Variants in GGT7 observed in about 807,000 individuals in gnomAD.
The protein encoded by GGT7 is gamma-glutamyltransferase 7.
Under a neutral mutation model 69.2 loss-of-function variants are expected in GGT7, and 30 were observed. The observed-to-expected ratio is 0.43, with a 90% confidence interval of 0.32 to 0.59. The LOEUF (loss-of-function observed/expected upper bound fraction) is 0.59. GGT7 is among the 20% of genes least tolerant of loss of function. The probability of loss-of-function intolerance (pLI) is 0.05; values close to 1 mark genes in which losing one functional copy is unlikely to be tolerated. For synonymous variants in GGT7, 388 were observed against 391.8 expected (o/e 0.99, Z 0.12); for missense variants, 733 against 901.1 (o/e 0.81, Z 2.39).
In GGT7 at chr20:34,863,058, G is replaced by A; in HGVS notation, c.406-93C>T. ...GCCCTAGAACTCTACGCGGCATGAA[G>A]GTCGAAGCCCTGCCCCCTTGTTGCC... is the stretch of plus-strand genomic sequence containing the variant. On this transcript the variant is annotated intron_variant, in intron 2 of 14. Coordinates refer to ENST00000336431, the MANE Select transcript of GGT7 (RefSeq NM_178026.3). This position sits in a 1 kb window ranked among gnomAD's most constrained non-coding sequence, Gnocchi z 4.4. 7.8e-7 allele frequency: 1 copy of A among 1,286,358 alleles called. No individual in the cohort carries two copies. The highest frequency in any genetic ancestry group is 1.1e-6 in the Non-Finnish European group (1 of 928,208). The allele number at this position is 1,286,358 out of a possible 1,614,324, so 79.7% of individuals were successfully genotyped here.
In GGT7 at chr20:34,872,691, C is replaced by G. The variant is rs1368904833; in HGVS notation, c.125G>C (p.Arg42Thr). The G allele has an allele frequency of 6.7e-7, 1 of 1,482,612 alleles. No individual in the cohort carries two copies. Among genetic ancestry groups the G allele is most frequent in the East Asian group, 2.8e-5 (1 of 35,894 alleles). 91.8% of individuals were successfully genotyped at this position (1,482,612 alleles called of 1,614,324 possible). The change falls in exon 1 of 15, where the codon AGG becomes ACG. Residue 42 changes from arginine to threonine, a missense_variant. By Grantham distance (71) the Arg-to-Thr change is moderately conservative. Transcript: ENST00000336431. Reference sequence around the variant, plus strand: ...AAAGGCGTCCTCGTCCTTGCGGCCCCTCAGCGGGGCCGCGGGCGCCGGCTC... The same window carrying G: ...AAAGGCGTCCTCGTCCTTGCGGCCCGTCAGCGGGGCCGCGGGCGCCGGCTC... ...EDEPAPAAPL[R>T]GRKDEDAFLG...
At chr20:34,854,079 G>A (rs546331030) in intron 10 of GGT7, among the ~76,000 whole-genome samples, 1 of 152,278 alleles carries the variant, frequency 6.6e-6, no homozygotes, top group East Asian at 1.9e-4. Context: ...TGGGACTACA[G>A]GCACGCGCCA....
At position 34,863,505 on chromosome 20, in the gene GGT7, T is replaced by A; in HGVS notation, c.213A>T (p.Pro71=). The change falls in exon 2 of 15, where the codon CCA becomes CCT. Residue 71 remains proline (P), a synonymous_variant. Transcript: ENST00000336431. The surrounding 1 kb of genome is among the most constrained non-coding windows in gnomAD (Gnocchi z 4.4). ...GGCTGCCCATCTCCGACGACGACGA[T>A]GGCAGCCGCTGCAGCCGTGCAGACT... The part of the protein sequence containing the change: ...FLKSARLQRL[P]SSSSEMGSQD... 2 of 1,598,498 alleles carry A rather than the reference T, an allele frequency of 1.3e-6. No homozygotes were observed. Among genetic ancestry groups the A allele is most frequent in the Non-Finnish European group, 1.7e-6 (2 of 1,172,940 alleles).
Position 34,862,909 on chromosome 20 carries a change from G to C in GGT7, c.462C>G (p.Ile154Met). The C allele has an allele frequency of 6.2e-7, 1 of 1,614,008 alleles. No homozygotes were observed. The highest frequency in any genetic ancestry group is 2.2e-5 in the East Asian group (1 of 44,876). ...TDAARCTSLG[I>M]EVLSKQGSSV... Reference sequence around the variant, plus strand: ...AAGATCCCTGTTTACTGAGCACCTCGATGCCCAGTGAAGTGCAGCGGGCAG... The same window carrying C: ...AAGATCCCTGTTTACTGAGCACCTCCATGCCCAGTGAAGTGCAGCGGGCAG... Residue 154 changes from isoleucine to methionine, a missense_variant, in exon 3 of 15, where the codon ATC becomes ATG. Transcript: ENST00000336431.
chr20:34,863,740 G>A lies in GGT7; in HGVS notation c.170-192C>T, dbSNP rs560162912. The A allele has an allele frequency of 9.8e-6, 7 of 715,528 alleles. No individual in the cohort carries two copies. The highest frequency in any genetic ancestry group is 7.5e-5 in the South Asian group (5 of 66,758). The allele number at this position is 715,528 out of a possible 1,614,324, so 44.3% of individuals were successfully genotyped here. The stretch of plus-strand genomic sequence containing the variant: ...GGGCAACGGTGCCCGGCTAGGAAGA[G>A]ACAGGGACCTCCCCAGCTGGGCAGC... On this transcript the variant is annotated intron_variant, in intron 1 of 14. Transcript: ENST00000336431. The surrounding 1 kb of genome is among the most constrained non-coding windows in gnomAD (Gnocchi z 4.4).
intron 7 of GGT7, among the ~76,000 whole-genome samples, chr20:34,859,219 T>C (rs2079542346): frequency 6.6e-6 from 1 of 151,610 alleles, no homozygotes. Context: ...AGGTTTTTCA[T>C]GTCATATCCC....
rs1290328211 is a variant in GGT7, at chr20:34,845,162, CTGA to C, written c.*163_*165del. The C allele has an allele frequency of 8.0e-6, 4 of 498,748 alleles. No homozygotes were observed. The highest frequency in any genetic ancestry group is 1.4e-5 in the Non-Finnish European group (4 of 283,028). The allele number at this position is 498,748 out of a possible 1,614,324, so 30.9% of individuals were successfully genotyped here. ...CACCACCACCACCACCACAGGCCTC[CTGA>C]TGGAGAATTTTCCAGTTACTCTGGG... On this transcript the variant is annotated 3_prime_UTR_variant, in exon 15 of 15. Transcript: ENST00000336431.
chr20:34,861,811 C>A (rs1286933713), intron 3 of GGT7, among the ~76,000 whole-genome samples: 1 of 152,056 alleles, frequency 6.6e-6, no homozygotes, highest in African/African-American at 2.4e-5. Flanking sequence ...GACTTTAATC[C>A]CTGATTAGGA....
intron 14 of GGT7, among the ~76,000 whole-genome samples, chr20:34,847,525 A>G (rs2146879479): frequency 6.6e-6 from 1 of 152,328 alleles, no homozygotes; most frequent in South Asian, 2.1e-4. Context: ...AATAGCATTA[A>G]ATCACTTAAT....
chr20:34,868,109 G>A (rs1046597834), intron 1 of GGT7, among the ~76,000 whole-genome samples: 11 of 93,362 alleles, frequency 1.2e-4, no homozygotes, highest in Admixed American at 3.5e-4. Context: ...CAAGCAATCC[G>A]CCCGCCTTGG....
rs1285623035 is a variant in GGT7 at position 34,872,805 on chromosome 20, T to G, written c.11A>C (p.Glu4Ala). 5.2e-6 allele frequency: 7 copies of G among 1,348,920 alleles called. No individual in the cohort carries two copies. Among genetic ancestry groups the G allele is most frequent in the Admixed American group, 3.9e-5 (1 of 25,956 alleles). 83.6% of individuals were successfully genotyped at this position (1,348,920 alleles called of 1,614,324 possible). The change falls in exon 1 of 15, where the codon GAG (glutamate) becomes GCG (alanine). Residue 4 changes from glutamate to alanine, a missense_variant. Glu to Ala is a moderately radical substitution (Grantham distance 107). Coordinates refer to ENST00000336431, the MANE Select transcript of GGT7 (RefSeq NM_178026.3). ...GGCGCTCTCCTGGCTGGCCTCGTTC[T>G]CCGCCGCCATCCTCGCCCGCGCCCC... MAA[E>A]NEASQESALG...
At position 34,852,475 on chromosome 20, in the gene GGT7, G is replaced by C; in HGVS notation, c.1383C>G (p.Leu461=). Residue 461 remains leucine, a synonymous_variant, in exon 11 of 15, where the codon CTC becomes CTG. Transcript: ENST00000336431. Reference sequence around the variant, plus strand: ...CTCCGTCTAGTTCATAGACAGGCAGGAGTGGGGCAGGGGCTGCCTGGGAGT... The same window carrying C: ...CTCCGTCTAGTTCATAGACAGGCAGCAGTGGGGCAGGGGCTGCCTGGGAGT... ...INDSQAAPAP[L]LPVYELDGAP... The C allele has an allele frequency of 6.2e-7, 1 of 1,611,698 alleles. No individual in the cohort carries two copies. The highest frequency in any genetic ancestry group is 8.5e-7 in the Non-Finnish European group (1 of 1,179,090).
chr20:34,845,899 A>G (rs1045205851), intron 14 of GGT7, among the ~76,000 whole-genome samples: 5 of 152,032 alleles, frequency 3.3e-5, no homozygotes, highest in Non-Finnish European at 7.4e-5. Flanking sequence ...ATCTCTACAG[A>G]AAATTTAAAA....
At chr20:34,849,870 TGGTGCTGGTTGA>T in intron 14 of GGT7, 79 bp downstream of exon 14, 1 of 676,482 alleles carries the variant, frequency 1.5e-6, no homozygotes, top group Non-Finnish European at 2.5e-6. Flanking sequence ...CACTGGCAGT[TGGTGCTGGTTGA>T]GGCATGGGCA....
In GGT7 at chr20:34,854,891, T is replaced by C. The variant is rs1258161930; in HGVS notation, c.1135A>G (p.Thr379Ala). The change falls in exon 9 of 15, where the codon ACG becomes GCG. Residue 379 changes from threonine (T) to alanine (A), a missense_variant. Physicochemically the swap from Thr to Ala is moderately conservative, Grantham distance 58. Coordinates refer to ENST00000336431, the MANE Select transcript of GGT7 (RefSeq NM_178026.3). Reference sequence around the variant, plus strand: ...AGAGCACTGATGAGGGCAGGGCCCGTGTGCGGAGGTGGGGGACTAAGAACC... The same window carrying C: ...AGAGCACTGATGAGGGCAGGGCCCGCGTGCGGAGGTGGGGGACTAAGAACC... ...HLVLSPPPPH[T>A]GPALISALNI... 6.2e-7 allele frequency: 1 copy of C among 1,613,654 alleles called. No individual in the cohort carries two copies. The highest frequency in any genetic ancestry group is 1.3e-5 in the African/African-American group (1 of 74,836).
At chr20:34,856,771 T>C (rs777891021) in intron 8 of GGT7, 35 bp downstream of exon 8, 1 of 1,282,964 alleles carries the variant, frequency 7.8e-7, no homozygotes, top group South Asian at 1.2e-5. Flanking sequence ...AGGCTTCTCC[T>C]GAGGGGGGAC....
Position 34,861,693 on chromosome 20 carries a change from TC to T in GGT7, c.558-132del, listed in dbSNP as rs1365053310. On this transcript the variant is annotated intron_variant, in intron 3 of 14. Transcript: ENST00000336431. ...TTCATTTGGGGTCAGGTGTCTGAGC[TC>T]CCTCCCCAGCATGGATTCACAGACT... is the stretch of plus-strand genomic sequence containing the variant. The T allele has an allele frequency of 3.0e-5, 15 of 498,608 alleles. No individual in the cohort carries two copies. The East Asian group carries it at 4.9e-4, about 16-fold the overall frequency. The allele number at this position is 498,608 out of a possible 1,614,324, so 30.9% of individuals were successfully genotyped here.
At position 34,872,678 on chromosome 20, in the gene GGT7, G is replaced by C; in HGVS notation, c.138C>G (p.Asp46Glu). 6.8e-7 allele frequency: 1 copy of C among 1,479,616 alleles called. No homozygotes were observed. Among genetic ancestry groups the C allele is most frequent in the Non-Finnish European group, 8.9e-7 (1 of 1,120,834 alleles). 91.7% of individuals were successfully genotyped at this position (1,479,616 alleles called of 1,614,324 possible). A position where few individuals can be genotyped will look rare whatever the true frequency, so the allele number is the denominator to read the frequency against. Reference protein sequence around the residue: ...APAAPLRGRKDEDAFLGDPDT... With the variant: ...APAAPLRGRKEEDAFLGDPDT... ...CGGGGTCTCCCAGAAAGGCGTCCTC[G>C]TCCTTGCGGCCCCTCAGCGGGGCCG... The change falls in exon 1 of 15, where the codon GAC becomes GAG. Residue 46 changes from aspartate to glutamate, a missense_variant. By Grantham distance (45) the Asp-to-Glu change is conservative. Transcript: ENST00000336431.
chr20:34,865,591 G>C (rs1052315967), intron 1 of GGT7, among the ~76,000 whole-genome samples: 3 of 152,208 alleles, frequency 2.0e-5, no homozygotes, highest in Non-Finnish European at 4.4e-5. Flanking sequence ...CTATTTGCTG[G>C]TGGCTATGGA....
Sources: allele counts gnomAD v4.1 joint callset (sites outside exome capture counted in the v4.1 genomes callset), GRCh38; gene constraint gnomAD v4.1.1; non-coding constraint Gnocchi (gnomAD v3.1); transcripts MANE v1.5; gene names NCBI Gene and HGNC (gene_info 2026-07-23, HGNC 2026-07-21).